CERT1: variants seen among roughly 807,000 people sequenced by gnomAD.
The protein encoded by CERT1 is ceramide transfer protein.
A neutral mutation model predicts 87.9 loss-of-function variants in CERT1; 31 were observed. The ratio of observed to expected loss-of-function variants is 0.35; its 90% confidence interval spans 0.27 to 0.48. The LOEUF (loss-of-function observed/expected upper bound fraction) is 0.48. CERT1 is among the 20% of genes least tolerant of loss of function. CERT1 has a pLI of 0.99. For missense variants in CERT1, 487 were observed against 758.0 expected, an observed-to-expected ratio of 0.64 and a Z score of 4.20; for synonymous variants, 289 against 250.9, an observed-to-expected ratio of 1.15 and a Z score of -1.44.
At chr5:75,409,773 C>T (rs927267897) in intron 8 of CERT1, among the ~76,000 whole-genome samples, 4 of 151,700 alleles carry the variant, frequency 2.6e-5, no homozygotes, top group Admixed American at 1.3e-4. Context: ...GTGATCCCCC[C>T]GCCTCAGCCT....
At chr5:75,385,853 T>C in intron 13 of CERT1, 49 bp downstream of exon 13, 1 of 1,317,256 alleles carries the variant, frequency 7.6e-7, no homozygotes, top group African/African-American at 1.5e-5. Context: ...TTGGATTTGA[T>C]ATTAAATTCA....
chr5:75,434,837 C>T (rs1764022712), intron 3 of CERT1, among the ~76,000 whole-genome samples: 1 of 151,970 alleles, frequency 6.6e-6, no homozygotes, highest in African/African-American at 2.4e-5. Context: ...GTGGTAATGT[C>T]ACCTTTGTCA....
chr5:75,493,176 A>G (rs1432084015), intron 2 of CERT1, among the ~76,000 whole-genome samples: 1 of 152,226 alleles, frequency 6.6e-6, no homozygotes, highest in Non-Finnish European at 1.5e-5. Context: ...ATATATGCAA[A>G]AAAACAGAAT....
At chr5:75,394,577 GCAT>G (rs1199791342) in intron 11 of CERT1, among the ~76,000 whole-genome samples, 1 of 152,032 alleles carries the variant, frequency 6.6e-6, no homozygotes, top group African/African-American at 2.4e-5. Context: ...AATTAGCTGG[GCAT>G]GATGGCATGT....
downstream of CERT1, chr5:75,374,723 G>A: frequency 8.5e-6 from 5 of 589,520 alleles, no homozygotes; most frequent in East Asian, 4.2e-5. Context: ...GTCAGGAATC[G>A]ATCTCATGAA....
In CERT1 at chr5:75,382,056, G is replaced by T. The variant is rs574660312; in HGVS notation, c.1510C>A (p.Arg504=). The T allele has an allele frequency of 1.4e-5, 23 of 1,613,808 alleles. No homozygotes were observed. The highest frequency in any genetic ancestry group is 1.7e-4 in the Middle Eastern group (1 of 6,054). ...THKRVWPASQ[R]DVLYLSVIRK... ...ATGACAGAAAGATATAATACGTCTCGCTGAGAAGCAGGCCACACCCTCTGT... is the reference window on the plus strand; with the variant it reads ...ATGACAGAAAGATATAATACGTCTCTCTGAGAAGCAGGCCACACCCTCTGT... Residue 504 remains arginine (R), a synonymous_variant, in exon 15 of 17, where the codon CGA becomes AGA. Coordinates refer to ENST00000643780, the MANE Select transcript of CERT1 (RefSeq NM_001379029.1).
At chr5:75,426,910 C>T (rs1040286636) in intron 3 of CERT1, among the ~76,000 whole-genome samples, 3 of 152,200 alleles carry the variant, frequency 2.0e-5, no homozygotes, top group Non-Finnish European at 2.9e-5. Context: ...GAACTGTACA[C>T]TTAACAGTGG....
At chr5:75,403,949 G>A (rs1233915787) in intron 8 of CERT1, among the ~76,000 whole-genome samples, 1 of 152,182 alleles carries the variant, frequency 6.6e-6, no homozygotes, top group Non-Finnish European at 1.5e-5. Context: ...ATATGTTCCT[G>A]CTGTGATGAA....
intron 2 of CERT1, among the ~76,000 whole-genome samples, chr5:75,499,448 G>C (rs1767239382): frequency 1.3e-5 from 2 of 152,108 alleles, no homozygotes; most frequent in South Asian, 4.1e-4. Context: ...TAAAGAGCTT[G>C]TCCCCCTTTG....
intron 2 of CERT1, among the ~76,000 whole-genome samples, chr5:75,474,332 T>C (rs1222126121): frequency 6.6e-6 from 1 of 152,132 alleles, no homozygotes; most frequent in Non-Finnish European, 1.5e-5. Flanking sequence ...AGCTTGCCAA[T>C]GCTCCCAGCT....
At chr5:75,374,722 CG>C (rs1761225053), downstream of CERT1, 6 of 588,878 alleles carry the variant, frequency 1.0e-5, no homozygotes, top group Non-Finnish European at 1.9e-5. Flanking sequence ...AGTCAGGAAT[CG>C]ATCTCATGAA....
At chr5:75,405,383 A>T (rs1762660555) in intron 8 of CERT1, among the ~76,000 whole-genome samples, 1 of 152,134 alleles carries the variant, frequency 6.6e-6, no homozygotes, top group Non-Finnish European at 1.5e-5. Flanking sequence ...TACCCACAGC[A>T]TTCTTACTTA....
In CERT1 at chr5:75,459,151, T is replaced by C. The variant is rs777890471; in HGVS notation, c.262A>G (p.Ile88Val). 16 of 1,611,808 alleles carry C rather than the reference T, an allele frequency of 9.9e-6. No homozygotes were observed. In the East Asian group the frequency reaches 3.3e-4, roughly 34 times the overall value. Residue 88 changes from isoleucine (I) to valine (V), a missense_variant, in exon 3 of 17, where the codon ATT becomes GTT. This residue lies in a region of CERT1 where 173 missense variants were observed against 302.2 expected (regional missense o/e 0.57). Transcript: ENST00000643780. ...PHDFDECRFD[I>V]SVNDSVWYLR... ...TACCAAACACTATCATTTACACTAATATCAAATCGACATTCATCAAAATCG... is the reference window on the plus strand; with the variant it reads ...TACCAAACACTATCATTTACACTAACATCAAATCGACATTCATCAAAATCG...
rs145231189 is a variant in CERT1 at position 75,436,004 on chromosome 5, C to G, written c.349-9526G>C. Among the ~76,000 whole-genome samples the G allele has an allele frequency of 9.2e-5, 14 of 152,242 alleles. No individual in the cohort carries two copies. The East Asian group carries it at 2.5e-3, about 27-fold the overall frequency. On this transcript the variant is annotated intron_variant, in intron 3 of 16. Transcript: ENST00000643780. ...GGGTCTGTGCATGCATGCATGCCAG[C>G]TGGGGCAGCGGCAGGTCCCTGTGTG...
intron 16 of CERT1, among the ~76,000 whole-genome samples, chr5:75,379,925 C>T (rs1396150877): frequency 6.6e-6 from 1 of 152,146 alleles, no homozygotes; most frequent in Non-Finnish European, 1.5e-5. Context: ...CATTCCTTAA[C>T]ACTATCCATC....
intron 6 of CERT1, among the ~76,000 whole-genome samples, chr5:75,418,980 A>G (rs990495369): frequency 3.9e-5 from 6 of 152,220 alleles, no homozygotes; most frequent in Non-Finnish European, 8.8e-5. Flanking sequence ...AAGCTTTTTT[A>G]AAGCTTATAT....
At chr5:75,440,630 C>A (rs780216825) in intron 3 of CERT1, among the ~76,000 whole-genome samples, 4 of 152,072 alleles carry the variant, frequency 2.6e-5, no homozygotes, top group Non-Finnish European at 5.9e-5. Context: ...TGACATGAAG[C>A]TGGAAAAATT....
chr5:75,397,620 CTG>C (rs1762307702), intron 11 of CERT1, among the ~76,000 whole-genome samples: 1 of 152,082 alleles, frequency 6.6e-6, no homozygotes, highest in Non-Finnish European at 1.5e-5. Context: ...TTTGATTAGT[CTG>C]TGATATGATT....
intron 3 of CERT1, among the ~76,000 whole-genome samples, chr5:75,432,286 C>T (rs1317564463): frequency 1.3e-5 from 2 of 152,054 alleles, no homozygotes; most frequent in African/African-American, 4.8e-5. Flanking sequence ...CGATCTCTGA[C>T]GTCGTAATCC....
Sources: allele counts gnomAD v4.1 joint callset (sites outside exome capture counted in the v4.1 genomes callset), GRCh38; gene constraint gnomAD v4.1.1; regional missense constraint gnomAD v4.1.1; transcripts MANE v1.5; gene names NCBI Gene and HGNC (gene_info 2026-07-23, HGNC 2026-07-21).